Variants in NOBOX observed in about 807,000 individuals in gnomAD.
NOBOX encodes the protein NOBOX oogenesis homeobox, also known as homeobox protein NOBOX.
A neutral mutation model predicts 60.2 loss-of-function variants in NOBOX; 46 were observed. The ratio of observed to expected loss-of-function variants is 0.76; its 90% CI spans 0.60 to 0.98. The LOEUF (loss-of-function observed/expected upper bound fraction) is 0.98, where lower values mean the gene tolerates loss of function less well. Among genes scored for constraint, NOBOX ranks in the 50% least tolerant of loss-of-function variants. NOBOX has a pLI of 0.00. For missense variants in NOBOX, 880 were observed against 865.5 expected, an observed-to-expected ratio of 1.02 and a Z score of -0.21; for synonymous variants, 360 against 346.3, an observed-to-expected ratio of 1.04 and a Z score of -0.44.
At chr7:144,403,853 G>A (rs1438806119) in intron 2 of NOBOX, among the ~76,000 whole-genome samples, 160 bp from the exon 1 acceptor site, 1 of 151,780 alleles carries the variant, frequency 6.6e-6, no homozygotes, top group Admixed American at 6.6e-5. Context: ...CCCCCAGGGC[G>A]AGGCCGGCCC....
Position 144,401,849 on chromosome 7 carries a change from C to T in NOBOX, c.292+20G>A. The T allele has an allele frequency of 2.0e-6, 3 of 1,515,740 alleles. No homozygotes were observed. Among genetic ancestry groups the T allele is most frequent in the Non-Finnish European group, 2.7e-6 (3 of 1,094,166 alleles). The allele number at this position is 1,515,740 out of a possible 1,614,324, so 93.9% of individuals were successfully genotyped here. A position where few individuals can be genotyped will look rare whatever the true frequency, so the allele number is the denominator to read the frequency against. On this transcript the variant is annotated intron_variant, in intron 3 of 9. Transcript: ENST00000467773. This position sits in a 1 kb window ranked among gnomAD's most constrained non-coding sequence, Gnocchi z 4.2. Reference sequence around the variant, plus strand: ...GAGACGGCGTTAGCTCATGGTATCTCCTAATTTGGGGGTACTCACCCCTTG... The same window carrying T: ...GAGACGGCGTTAGCTCATGGTATCTTCTAATTTGGGGGTACTCACCCCTTG...
At chr7:144,399,708 A>T in intron 6 of NOBOX, 49 bp downstream of exon 4, 1 of 1,467,578 alleles carries the variant, frequency 6.8e-7, no homozygotes, top group Non-Finnish European at 9.4e-7. Context: ...CCCAGCTTGG[A>T]CCCCACTTCT....
chr7:144,399,452 G>T lies in NOBOX; in HGVS notation c.1185C>A (p.Pro395=). 6.3e-7 allele frequency: 1 copy of T among 1,585,160 alleles called. No individual in the cohort carries two copies. The highest frequency in any genetic ancestry group is 2.3e-5 in the East Asian group (1 of 43,672). The change falls in exon 7 of 10, where the codon CCC becomes CCA. Residue 395 remains proline, a synonymous_variant. Coordinates refer to ENST00000467773, the MANE Select transcript of NOBOX (RefSeq NM_001080413.3). ...GGAAAGGGTCAGGCTTTGGCTCCATGGGCACAGCAGGTAGGATCTCAGCTG... is the reference window on the plus strand; with the variant it reads ...GGAAAGGGTCAGGCTTTGGCTCCATTGGCACAGCAGGTAGGATCTCAGCTG...
At chr7:144,403,566 C>A in intron 2 of NOBOX, 91 bp downstream of exon 1, 1 of 391,466 alleles carries the variant, frequency 2.6e-6, no homozygotes, top group South Asian at 1.8e-5. Context: ...GCTCTTAGGT[C>A]GGCTAACGCT....
rs185432322 is a variant in NOBOX at position 144,398,520 on chromosome 7, G to A, written c.1536C>T (p.Asn512=). 1.3e-4 allele frequency: 206 copies of A among 1,536,712 alleles called. No individual in the cohort carries two copies. In the African/African-American group the frequency reaches 2.7e-3, roughly 20 times the overall value. ...GGGAGAACTGGAAGGGTCCTGGCTG[G>A]TTGCTCTGTTGGTAATCCTGGGGCT... Residue 512 remains asparagine, a synonymous_variant, in exon 9 of 10, where the codon AAC becomes AAT. Transcript: ENST00000467773.
intron 1 of NOBOX, among the ~76,000 whole-genome samples, chr7:144,409,971 T>C (rs1321137286): frequency 6.6e-6 from 1 of 152,246 alleles, no homozygotes; most frequent in East Asian, 1.9e-4. Context: ...CTTGGGTCTG[T>C]ACCAGTTCTG....
intron 2 of NOBOX, among the ~76,000 whole-genome samples, chr7:144,402,413 T>C: frequency 6.6e-6 from 1 of 152,186 alleles, no homozygotes; most frequent in Non-Finnish European, 1.5e-5. Context: ...ATTAGCACAG[T>C]GCATATTTAA....
intron 7 of NOBOX, 97 bp from the exon 6 acceptor site, chr7:144,399,275 C>G: frequency 1.0e-6 from 1 of 953,232 alleles, no homozygotes; most frequent in Non-Finnish European, 1.6e-6. Flanking sequence ...CCAGGTCCCC[C>G]TGAATAGGCC....
chr7:144,398,774 T>G (rs2053913348), intron 8 of NOBOX, among the ~76,000 whole-genome samples, 176 bp downstream of exon 6: 1 of 152,020 alleles, frequency 6.6e-6, no homozygotes, highest in African/African-American at 2.4e-5. Flanking sequence ...TCTGCTCTAT[T>G]GCTGTGATCC....
chr7:144,408,401 T>C (rs2054000350), intron 1 of NOBOX, among the ~76,000 whole-genome samples: 1 of 152,178 alleles, frequency 6.6e-6, no homozygotes, highest in Admixed American at 6.5e-5. Flanking sequence ...CATCACTGCA[T>C]ACAGGCTGAA....
downstream of NOBOX, among the ~76,000 whole-genome samples, chr7:144,396,964 G>T (rs980148742): frequency 6.6e-6 from 1 of 152,122 alleles, no homozygotes; most frequent in Non-Finnish European, 1.5e-5. Context: ...GTCAAGCAAG[G>T]ATAGGAAACA....
At chr7:144,399,991 G>A (rs542852477) in intron 5 of NOBOX, 128 bp from the exon 4 acceptor site, 15 of 1,303,474 alleles carry the variant, frequency 1.2e-5, no homozygotes, top group African/African-American at 1.0e-4. Flanking sequence ...TGAGCCCTCC[G>A]TCAGGCTGGT....
At chr7:144,399,319 T>C (rs2053919306) in intron 7 of NOBOX, 78 bp downstream of exon 5, 18 of 1,140,656 alleles carry the variant, frequency 1.6e-5, no homozygotes, top group Non-Finnish European at 2.2e-5. Flanking sequence ...CTCCAGTCAC[T>C]CCCACCTCCA....
chr7:144,399,969 G>T, intron 5 of NOBOX, 106 bp from the exon 4 acceptor site: 1 of 1,271,712 alleles, frequency 7.9e-7, no homozygotes, highest in Admixed American at 2.0e-5. Flanking sequence ...GGTCACTCCA[G>T]CACTCTGCTT....
Position 144,401,527 on chromosome 7 carries a change from AG to A in NOBOX, c.362del (p.Pro121LeufsTer53). ...CCTCACTCTGAGTGTCCTGAGCATG[AG>A]GGGCTGAGCCCCGGAGCAGTTCCTC... On this transcript the variant is annotated frameshift_variant, in exon 4 of 10. Coordinates refer to ENST00000467773, the MANE Select transcript of NOBOX (RefSeq NM_001080413.3). LOFTEE classifies it high-confidence loss of function. The surrounding 1 kb of genome is among the most constrained non-coding windows in gnomAD (Gnocchi z 4.2). 4.6e-6 allele frequency: 7 copies of A among 1,520,014 alleles called. No homozygotes were observed. The highest frequency in any genetic ancestry group is 6.1e-6 in the Non-Finnish European group (7 of 1,138,634). 94.2% of individuals were successfully genotyped at this position (1,520,014 alleles called of 1,614,324 possible). A position where few individuals can be genotyped will look rare whatever the true frequency, so the allele number is the denominator to read the frequency against.
In NOBOX at chr7:144,401,985, T is replaced by A. The variant is rs925937378; in HGVS notation, c.211-35A>T. On this transcript the variant is annotated intron_variant, in intron 2 of 9. Transcript: ENST00000467773. This position sits in a 1 kb window ranked among gnomAD's most constrained non-coding sequence, Gnocchi z 4.2. Reference sequence around the variant, plus strand: ...GACCAGGAAGACAAAGAGAAACAGATTGACAGAGATTCTGCTTCTCCCAAG... The same window carrying A: ...GACCAGGAAGACAAAGAGAAACAGAATGACAGAGATTCTGCTTCTCCCAAG... 1.4e-6 allele frequency: 2 copies of A among 1,480,234 alleles called. No homozygotes were observed. The highest frequency in any genetic ancestry group is 1.9e-6 in the Non-Finnish European group (2 of 1,059,592). 91.7% of individuals were successfully genotyped at this position (1,480,234 alleles called of 1,614,324 possible).
chr7:144,402,859 C>T (rs2053952625), intron 2 of NOBOX, among the ~76,000 whole-genome samples: 1 of 143,100 alleles, frequency 7.0e-6, no homozygotes, highest in African/African-American at 2.6e-5. Context: ...TGGGTTCAAG[C>T]GATTCTCGTG....
At position 144,398,204 on chromosome 7, in the gene NOBOX, C is replaced by T; in HGVS notation, c.1774+78G>A. On this transcript the variant is annotated intron_variant, in intron 9 of 9. Coordinates refer to ENST00000467773, the MANE Select transcript of NOBOX (RefSeq NM_001080413.3). ...CCACCCATGACCTGCCTCAGTCTAC[C>T]CTCCAGATAACTTGGCTCTTTGTCC... 12 of 1,303,104 alleles carry T rather than the reference C, an allele frequency of 9.2e-6. No individual in the cohort carries two copies. The South Asian group carries it at 1.5e-4, about 17-fold the overall frequency. The allele number at this position is 1,303,104 out of a possible 1,614,324, so 80.7% of individuals were successfully genotyped here. A position where few individuals can be genotyped will look rare whatever the true frequency, so the allele number is the denominator to read the frequency against.
chr7:144,400,233 C>T lies in NOBOX; in HGVS notation c.924G>A (p.Thr308=), dbSNP rs780163926. Reference sequence around the variant, plus strand: ...TGATGCGCTGGGGGGTCACCCCCACCGTCTGGGCAATCTCTCGGCGTTTAT... The same window carrying T: ...TGATGCGCTGGGGGGTCACCCCCACTGTCTGGGCAATCTCTCGGCGTTTAT... The change falls in exon 5 of 10, where the codon ACG becomes ACA. Residue 308 remains threonine, a synonymous_variant. Transcript: ENST00000467773. 19 of 1,613,952 alleles carry T rather than the reference C, an allele frequency of 1.2e-5. No homozygotes were observed. The highest frequency in any genetic ancestry group is 2.7e-5 in the African/African-American group (2 of 74,940).
Sources: allele counts gnomAD v4.1 joint callset (sites outside exome capture counted in the v4.1 genomes callset), GRCh38; gene constraint gnomAD v4.1.1; non-coding constraint Gnocchi (gnomAD v3.1); transcripts MANE v1.5; gene names NCBI Gene and HGNC (gene_info 2026-07-23, HGNC 2026-07-21).